The following CHRNA9 variants were observed in gnomAD, a reference collection of about 807,000 sequenced individuals.
CHRNA9 encodes the protein neuronal acetylcholine receptor subunit alpha-9.
CHRNA9 carries 24 observed loss-of-function variants against 36.8 expected under a neutral mutation model. That is an observed-to-expected ratio of 0.65 (90% confidence interval 0.47 to 0.92). The LOEUF (loss-of-function observed/expected upper bound fraction) is 0.92, where lower values mean the gene tolerates loss of function less well. Ranked by LOEUF, CHRNA9 falls within the 40% of genes least tolerant of loss-of-function variation. The probability of loss-of-function intolerance (pLI) is 0.00; values close to 1 mark genes in which losing one functional copy is unlikely to be tolerated. For synonymous variants in CHRNA9, 231 were observed against 231.8 expected (o/e 1.00, Z 0.03); for missense variants, 610 against 601.2 (o/e 1.01, Z -0.15).
chr4:40,338,438 G>A (rs6842752), intron 3 of CHRNA9, among the ~76,000 whole-genome samples: 21,842 of 152,100 alleles, frequency 0.14, 3,288 homozygotes, highest in African/African-American at 0.38. Flanking sequence ...CACAGTTCAA[G>A]CTCAGTGGCC....
At chr4:40,341,336 G>A (rs1712496038) in intron 3 of CHRNA9, among the ~76,000 whole-genome samples, 2 of 151,700 alleles carry the variant, frequency 1.3e-5, no homozygotes, top group South Asian at 4.2e-4. Flanking sequence ...CTAGGCTAGA[G>A]TGCCCTGGTG....
In CHRNA9 at chr4:40,354,499, G is replaced by A. The variant is rs750519738; in HGVS notation, c.1419G>A (p.Leu473=). Reference sequence around the variant, plus strand: ...TTATGGTGTTTGTGATGACTATTTTGATCATAGCAAGAGCGGATTAGTCAC... The same window carrying A: ...TTATGGTGTTTGTGATGACTATTTTAATCATAGCAAGAGCGGATTAGTCAC... ...FFIMVFVMTI[L]IIARAD Residue 473 remains leucine, a synonymous_variant, in exon 5 of 5, where the codon TTG becomes TTA. Coordinates refer to ENST00000310169, the MANE Select transcript of CHRNA9 (RefSeq NM_017581.4). The A allele has an allele frequency of 1.2e-6, 2 of 1,612,486 alleles. No homozygotes were observed. Among genetic ancestry groups the A allele is most frequent in the Non-Finnish European group, 1.7e-6 (2 of 1,178,780 alleles).
intron 3 of CHRNA9, among the ~76,000 whole-genome samples, chr4:40,338,879 TCCCTCTCTCTCTCA>T (rs1168177626): frequency 4.0e-5 from 3 of 74,500 alleles, no homozygotes; most frequent in African/African-American, 1.5e-4. Context: ...TCTCTCTCTC[TCCCTCTCTCTCTCA>T]CACACACACA....
At chr4:40,337,510 G>T in intron 3 of CHRNA9, 146 bp downstream of exon 3, 6 of 958,572 alleles carry the variant, frequency 6.3e-6, no homozygotes, top group Non-Finnish European at 8.9e-6. Flanking sequence ...AAGAGACATA[G>T]AATCTTAGAT....
intron 3 of CHRNA9, among the ~76,000 whole-genome samples, chr4:40,342,863 A>G (rs918611870): frequency 6.6e-6 from 1 of 152,150 alleles, no homozygotes; most frequent in Non-Finnish European, 1.5e-5. Context: ...CAAGGGAGGC[A>G]AAATCCTGAA....
rs188109471 is a variant in CHRNA9, at chr4:40,335,902, G to A, written c.140G>A (p.Arg47His). The A allele has an allele frequency of 6.6e-5, 107 of 1,611,604 alleles. No homozygotes were observed. In the East Asian group the frequency reaches 9.1e-4, roughly 14 times the overall value. ...DLFEDYSNAL[R>H]PVEDTDKVLN... Reference sequence around the variant, plus strand: ...TTTGAAGATTATTCTAATGCTCTTCGTCCAGTGGAAGATACAGATAAAGTC... The same window carrying A: ...TTTGAAGATTATTCTAATGCTCTTCATCCAGTGGAAGATACAGATAAAGTC... Residue 47 changes from arginine (R) to histidine (H), a missense_variant, in exon 2 of 5, where the codon CGT becomes CAT. Transcript: ENST00000310169.
At chr4:40,350,218 A>T (rs1712762927) in intron 4 of CHRNA9, among the ~76,000 whole-genome samples, 1 of 152,172 alleles carries the variant, frequency 6.6e-6, no homozygotes, top group South Asian at 2.1e-4. Context: ...AAGTTCCTAC[A>T]CCCAGAGAGT....
chr4:40,339,515 T>C (rs1712438146), intron 3 of CHRNA9, among the ~76,000 whole-genome samples: 1 of 151,230 alleles, frequency 6.6e-6, no homozygotes, highest in Non-Finnish European at 1.5e-5. Flanking sequence ...ACCCCGTCTC[T>C]ACTAAAAATA....
intron 3 of CHRNA9, among the ~76,000 whole-genome samples, chr4:40,338,834 CTCTCTG>C (rs199685382): frequency 5.0e-4 from 75 of 149,940 alleles, no homozygotes; most frequent in African/African-American, 1.5e-3. Context: ...CGTGCTCGCT[CTCTCTG>C]TCTCTGTCTC....
intron 4 of CHRNA9, among the ~76,000 whole-genome samples, chr4:40,351,494 A>C (rs1054763390): frequency 2.0e-5 from 3 of 152,052 alleles, no homozygotes; most frequent in East Asian, 3.9e-4. Flanking sequence ...TCTTTTTAGG[A>C]AAAGTGCCCA....
chr4:40,337,427 C>A lies in CHRNA9; in HGVS notation c.365+63C>A, dbSNP rs546046694. 3.1e-4 allele frequency: 475 copies of A among 1,537,538 alleles called. 6 individuals are homozygous for A. The South Asian group carries it at 5.4e-3, about 17-fold the overall frequency. ...ACGTGTTGATTTCATAGAATTTAAACATAATGAAAAAGGAATGTTTAAAAC... is the reference window on the plus strand; with the variant it reads ...ACGTGTTGATTTCATAGAATTTAAAAATAATGAAAAAGGAATGTTTAAAAC... On this transcript the variant is annotated intron_variant, in intron 3 of 4. Transcript: ENST00000310169.
chr4:40,344,536 G>GA (rs11368849), intron 3 of CHRNA9, among the ~76,000 whole-genome samples: 50,073 of 137,870 alleles, frequency 0.36, 9,504 homozygotes, highest in African/African-American at 0.54. Flanking sequence ...GCCATCTCAA[G>GA]AAAAAAAAAA....
intron 3 of CHRNA9, among the ~76,000 whole-genome samples, chr4:40,347,529 A>AT (rs1421290237): frequency 6.6e-6 from 1 of 152,208 alleles, no homozygotes; most frequent in Non-Finnish European, 1.5e-5. Context: ...ATGACCACGT[A>AT]TTTTTAAAAA....
Position 40,354,077 on chromosome 4 carries a change from G to A in CHRNA9, c.997G>A (p.Val333Met), listed in dbSNP as rs756932879. ...CTTCTGTGGGGCCGAGGCCCGGCCG[G>A]TGCCACACTGGGCCAGGGTGGTCAT... ...IHFCGAEARP[V>M]PHWARVVILK... Residue 333 changes from valine to methionine, a missense_variant, in exon 5 of 5, where the codon GTG becomes ATG. Physicochemically the swap from Val to Met is conservative, Grantham distance 21. Coordinates refer to ENST00000310169, the MANE Select transcript of CHRNA9 (RefSeq NM_017581.4). 1.1e-5 allele frequency: 17 copies of A among 1,614,218 alleles called. No individual in the cohort carries two copies. Among genetic ancestry groups the A allele is most frequent in the Non-Finnish European group, 1.4e-5 (17 of 1,180,032 alleles).
At position 40,349,016 on chromosome 4, in the gene CHRNA9, A is replaced by AGC; in HGVS notation, c.501_502dup (p.Gln168ArgfsTer5). On this transcript the variant is annotated frameshift_variant, in exon 4 of 5. Transcript: ENST00000310169. LOFTEE classifies it high-confidence loss of function. ...GTCACCTACTTCCCTTTTGACAACC[A>AGC]GCAGTGCAACCTGACTTTTGGTTCC... The AGC allele has an allele frequency of 6.2e-7, 1 of 1,614,236 alleles. No individual in the cohort carries two copies. The highest frequency in any genetic ancestry group is 1.1e-5 in the South Asian group (1 of 91,086).
chr4:40,335,884 A>T lies in CHRNA9; in HGVS notation c.122A>T (p.Asp41Val), dbSNP rs754205007. ...AQKLFNDLFE[D>V]YSNALRPVED... ...AAGTTGTTTAATGACCTTTTTGAAG[A>T]TTATTCTAATGCTCTTCGTCCAGTG... Residue 41 changes from aspartate (D) to valine (V), a missense_variant, in exon 2 of 5, where the codon GAT becomes GTT. Physicochemically the swap from Asp to Val is radical, Grantham distance 152. Coordinates refer to ENST00000310169, the MANE Select transcript of CHRNA9 (RefSeq NM_017581.4). 8 of 1,612,062 alleles carry T rather than the reference A, an allele frequency of 5.0e-6. No individual in the cohort carries two copies. Among genetic ancestry groups the T allele is most frequent in the East Asian group, 2.2e-5 (1 of 44,882 alleles).
chr4:40,336,618 A>G (rs1447403587), intron 2 of CHRNA9, among the ~76,000 whole-genome samples: 3 of 150,904 alleles, frequency 2.0e-5, no homozygotes, highest in Non-Finnish European at 1.5e-5. Flanking sequence ...CTGAGACTAC[A>G]GGCACCCGCC....
At position 40,354,759 on chromosome 4, in the gene CHRNA9, T is replaced by G. The variant is rs151059510; in HGVS notation, c.*239T>G. 840 of 427,958 alleles carry G rather than the reference T, an allele frequency of 2.0e-3. 3 individuals carry two copies. The highest frequency in any genetic ancestry group is 3.0e-3 in the South Asian group (69 of 22,802). The allele number at this position is 427,958 out of a possible 1,614,324, so 26.5% of individuals were successfully genotyped here. A position where few individuals can be genotyped will look rare whatever the true frequency, so the allele number is the denominator to read the frequency against. On this transcript the variant is annotated 3_prime_UTR_variant, in exon 5 of 5. Coordinates refer to ENST00000310169, the MANE Select transcript of CHRNA9 (RefSeq NM_017581.4). ...GAAAGAGCCCTTTTATAGCCCACCG[T>G]AGTGGTGGGTGACTGGCCTCTAGTT...
chr4:40,336,616 A>G (rs956800391), intron 2 of CHRNA9, among the ~76,000 whole-genome samples: 2 of 151,230 alleles, frequency 1.3e-5, no homozygotes, highest in Admixed American at 1.3e-4. Context: ...AGCTGAGACT[A>G]CAGGCACCCG....
Sources: allele counts gnomAD v4.1 joint callset (sites outside exome capture counted in the v4.1 genomes callset), GRCh38; gene constraint gnomAD v4.1.1; transcripts MANE v1.5; gene names NCBI Gene and HGNC (gene_info 2026-07-23, HGNC 2026-07-21).